EXOC6B: variants seen among roughly 807,000 people sequenced by gnomAD.
EXOC6B encodes SEC15 homolog B.
A neutral mutation model predicts 113.5 loss-of-function variants in EXOC6B; 54 were observed. The observed-to-expected ratio is 0.48, with a 90% CI of 0.38 to 0.60. The LOEUF is 0.60. Ranked by LOEUF, EXOC6B falls within the 20% of genes least tolerant of loss-of-function variation. The pLI is 0.00. For synonymous variants in EXOC6B, 357 were observed against 339.0 expected, an observed-to-expected ratio of 1.05 and a Z score of -0.58; for missense variants, 797 against 977.5, an observed-to-expected ratio of 0.82 and a Z score of 2.46.
intron 6 of EXOC6B, among the ~76,000 whole-genome samples, chr2:72,667,943 G>C (rs1675513212): frequency 6.6e-6 from 1 of 152,142 alleles, no homozygotes; most frequent in Non-Finnish European, 1.5e-5. Flanking sequence ...CCTACAGAAT[G>C]GGAGAAAATA....
At chr2:72,708,293 A>C (rs1679025239) in intron 6 of EXOC6B, among the ~76,000 whole-genome samples, 1 of 152,218 alleles carries the variant, frequency 6.6e-6, no homozygotes, top group Admixed American at 6.5e-5. Flanking sequence ...TGCACAGTTC[A>C]AAATATTATT....
chr2:72,820,017 T>C (rs1686493514), intron 1 of EXOC6B, among the ~76,000 whole-genome samples: 1 of 152,112 alleles, frequency 6.6e-6, no homozygotes, highest in South Asian at 2.1e-4. Flanking sequence ...TCTGTAAAGA[T>C]GAATTAATGG....
intron 20 of EXOC6B, among the ~76,000 whole-genome samples, chr2:72,215,616 G>C (rs917973870): frequency 6.6e-6 from 1 of 152,134 alleles, no homozygotes; most frequent in African/African-American, 2.4e-5. Context: ...GACAGATGAT[G>C]GGTGCCAAGC....
intron 6 of EXOC6B, among the ~76,000 whole-genome samples, 176 bp downstream of exon 6, chr2:72,717,927 C>T (rs1679731256): frequency 6.6e-6 from 1 of 152,152 alleles, no homozygotes; most frequent in Non-Finnish European, 1.5e-5. Flanking sequence ...TTGTCCATTG[C>T]TCTGTTAAAA....
chr2:72,527,771 C>T (rs751460131), intron 8 of EXOC6B, among the ~76,000 whole-genome samples: 94 of 151,990 alleles, frequency 6.2e-4, no homozygotes, highest in Non-Finnish European at 1.1e-3. Flanking sequence ...CCTCTAACAA[C>T]TAAGGATGTT....
intron 8 of EXOC6B, among the ~76,000 whole-genome samples, chr2:72,557,365 C>G (rs1310323967): frequency 7.2e-6 from 1 of 138,404 alleles, no homozygotes; most frequent in African/African-American, 2.8e-5. Flanking sequence ...CTTATCTATA[C>G]CTGTGATTGA....
chr2:72,470,615 C>T (rs1698340917), intron 17 of EXOC6B, among the ~76,000 whole-genome samples: 1 of 149,746 alleles, frequency 6.7e-6, no homozygotes, highest in African/African-American at 2.5e-5. Context: ...TATCCCTCCC[C>T]CCTCCCCCTA....
chr2:72,434,481 T>A (rs1695738160), intron 18 of EXOC6B, among the ~76,000 whole-genome samples: 1 of 152,224 alleles, frequency 6.6e-6, no homozygotes, highest in Non-Finnish European at 1.5e-5. Flanking sequence ...GAAGGAATGA[T>A]ACCAGTTCCT....
chr2:72,231,609 T>C (rs1372840368), intron 20 of EXOC6B, among the ~76,000 whole-genome samples: 1 of 152,130 alleles, frequency 6.6e-6, no homozygotes, highest in Non-Finnish European at 1.5e-5. Flanking sequence ...GTAACTCTAC[T>C]ATATGAAGAG....
intron 6 of EXOC6B, among the ~76,000 whole-genome samples, chr2:72,625,704 T>G (rs1382200637): frequency 6.6e-6 from 1 of 152,218 alleles, no homozygotes; most frequent in Non-Finnish European, 1.5e-5. Context: ...ATGTAATGTA[T>G]TCTCTTGAGA....
At chr2:72,747,983 T>C (rs1177145613) in intron 1 of EXOC6B, among the ~76,000 whole-genome samples, 1 of 152,032 alleles carries the variant, frequency 6.6e-6, no homozygotes. Context: ...TATCTCTACC[T>C]GCTGGCACAC....
chr2:72,658,969 C>T (rs1024640856), intron 6 of EXOC6B, among the ~76,000 whole-genome samples: 1 of 151,966 alleles, frequency 6.6e-6, no homozygotes, highest in African/African-American at 2.4e-5. Context: ...AATCAGTTTC[C>T]TGGTATTTAT....
At chr2:72,585,429 C>G (rs1705497185) in intron 6 of EXOC6B, among the ~76,000 whole-genome samples, 2 of 152,006 alleles carry the variant, frequency 1.3e-5, no homozygotes, top group Admixed American at 6.6e-5. Flanking sequence ...GAAACCCCAT[C>G]TCTACTAAAA....
At chr2:72,617,502 G>C (rs1255428982) in intron 6 of EXOC6B, among the ~76,000 whole-genome samples, 1 of 148,374 alleles carries the variant, frequency 6.7e-6, no homozygotes, top group African/African-American at 2.5e-5. Flanking sequence ...GGTCCCCAAA[G>C]CTCAAATCTT....
intron 1 of EXOC6B, among the ~76,000 whole-genome samples, chr2:72,784,419 T>C (rs1363988975): frequency 1.3e-5 from 2 of 152,172 alleles, no homozygotes; most frequent in African/African-American, 2.4e-5. Flanking sequence ...ATTGAATCTG[T>C]AGATTGTTTT....
At chr2:72,600,370 A>T (rs1318791556) in intron 6 of EXOC6B, among the ~76,000 whole-genome samples, 1 of 143,144 alleles carries the variant, frequency 7.0e-6, no homozygotes, top group Non-Finnish European at 1.5e-5. Context: ...TGAGCCTGGG[A>T]GGCATAGGTT....
chr2:72,488,781 G>A (rs1699570264), intron 16 of EXOC6B, among the ~76,000 whole-genome samples: 1 of 152,078 alleles, frequency 6.6e-6, no homozygotes. Flanking sequence ...TAGTCCCCTT[G>A]TTTCCATCCT....
At chr2:72,390,371 C>T (rs1692299120) in intron 18 of EXOC6B, among the ~76,000 whole-genome samples, 2 of 152,128 alleles carry the variant, frequency 1.3e-5, no homozygotes, top group Admixed American at 6.5e-5. Context: ...CATTTGCCTT[C>T]TAATTCTGTC....
chr2:72,466,046 C>A (rs1471413866), intron 17 of EXOC6B, among the ~76,000 whole-genome samples: 1 of 151,924 alleles, frequency 6.6e-6, no homozygotes, highest in Non-Finnish European at 1.5e-5. Flanking sequence ...CTGACCCAGA[C>A]AAACTTTGAA....
Sources: allele counts gnomAD v4.1 joint callset (sites outside exome capture counted in the v4.1 genomes callset), GRCh38; gene constraint gnomAD v4.1.1; transcripts MANE v1.5; gene names NCBI Gene and HGNC (gene_info 2026-07-23, HGNC 2026-07-21).